The following SYNDIG1 variants were observed in gnomAD, a reference collection of about 807,000 sequenced individuals.
SYNDIG1 encodes the protein synapse differentiation-inducing gene protein 1.
In SYNDIG1, 9 loss-of-function variants were observed where a neutral mutation model predicts 19.4. The ratio of observed to expected loss-of-function variants is 0.46; its 90% CI spans 0.28 to 0.81. The LOEUF (loss-of-function observed/expected upper bound fraction) is 0.81. Ranked by LOEUF, SYNDIG1 falls within the 30% of genes least tolerant of loss-of-function variation. The pLI is 0.12. For missense variants in SYNDIG1, 311 were observed against 343.3 expected (o/e 0.91, Z 0.74); for synonymous variants, 141 against 145.9 (o/e 0.97, Z 0.24).
rs566422266 is a variant in SYNDIG1 at position 24,517,772 on chromosome 20, T to C, written c.-78-25248T>C. ...GTGTGTGTGTGTGTATATATATATA[T>C]ACATACACACATTTTTTTTGAAAAA... is the stretch of plus-strand genomic sequence containing the variant. On this transcript the variant is annotated intron_variant, in intron 1 of 3. Coordinates refer to ENST00000376862, the MANE Select transcript of SYNDIG1 (RefSeq NM_024893.3). Among the ~76,000 whole-genome samples, 165 of 145,250 alleles carry C rather than the reference T, an allele frequency of 1.1e-3. 1 individual carries two copies. Among genetic ancestry groups the C allele is most frequent in the African/African-American group, 4.0e-3 (157 of 39,110 alleles).
intron 2 of SYNDIG1, among the ~76,000 whole-genome samples, chr20:24,565,628 G>T (rs751706490): frequency 1.4e-4 from 22 of 152,172 alleles, no homozygotes; most frequent in Non-Finnish European, 2.6e-4. Context: ...GTCCATTGTT[G>T]TGTCTCTTCC....
At chr20:24,503,457 A>G (rs979013598) in intron 1 of SYNDIG1, among the ~76,000 whole-genome samples, 1 of 152,204 alleles carries the variant, frequency 6.6e-6, no homozygotes, top group African/African-American at 2.4e-5. Context: ...AATCAGCAGC[A>G]TGACTCACAG....
At chr20:24,516,212 C>A (rs1045419946) in intron 1 of SYNDIG1, among the ~76,000 whole-genome samples, 2 of 152,010 alleles carry the variant, frequency 1.3e-5, no homozygotes, top group Non-Finnish European at 2.9e-5. Context: ...AATGCTAGAC[C>A]GAAAACCATA....
At chr20:24,516,549 C>T (rs1401588214) in intron 1 of SYNDIG1, among the ~76,000 whole-genome samples, 1 of 152,172 alleles carries the variant, frequency 6.6e-6, no homozygotes, top group South Asian at 2.1e-4. Context: ...TTTATGCAGC[C>T]AACAGACACA....
chr20:24,539,167 T>C (rs772448384), intron 1 of SYNDIG1, among the ~76,000 whole-genome samples: 7 of 152,240 alleles, frequency 4.6e-5, no homozygotes, highest in Non-Finnish European at 1.0e-4. Flanking sequence ...CAAGAAATCA[T>C]TGACAAATCC....
intron 3 of SYNDIG1, among the ~76,000 whole-genome samples, chr20:24,645,550 G>A (rs1436999423): frequency 2.0e-5 from 3 of 152,210 alleles, no homozygotes; most frequent in Admixed American, 1.3e-4. Context: ...GAGTGAAAGA[G>A]GGAAGTGAGG....
At chr20:24,645,043 C>A (rs1443270751) in intron 3 of SYNDIG1, among the ~76,000 whole-genome samples, 1 of 152,168 alleles carries the variant, frequency 6.6e-6, no homozygotes, top group Non-Finnish European at 1.5e-5. Context: ...CAGTCTGACC[C>A]TGGAAAAATG....
intron 1 of SYNDIG1, among the ~76,000 whole-genome samples, chr20:24,487,841 C>T (rs533293848): frequency 3.4e-4 from 52 of 152,216 alleles, no homozygotes; most frequent in African/African-American, 1.2e-3. Context: ...GGACTGACCC[C>T]ATAACTGGCT....
Position 24,502,629 on chromosome 20 carries a change from C to G in SYNDIG1, c.-79+32876C>G, listed in dbSNP as rs11906877. On this transcript the variant is annotated intron_variant, in intron 1 of 3. Transcript: ENST00000376862. The stretch of plus-strand genomic sequence containing the variant: ...GCTATTTCAGTGACTTTTAAGCAAG[C>G]TATTTTAGTGATTTTTAAGAGTTAG... Among the ~76,000 whole-genome samples the G allele has an allele frequency of 3.9e-3, 598 of 152,300 alleles. 3 individuals are homozygous for G. Among genetic ancestry groups the G allele is most frequent in the African/African-American group, 0.014 (572 of 41,572 alleles).
chr20:24,584,584 G>A (rs2058382799), intron 2 of SYNDIG1, among the ~76,000 whole-genome samples: 1 of 152,192 alleles, frequency 6.6e-6, no homozygotes, highest in South Asian at 2.1e-4. Flanking sequence ...ACTGCTTTCT[G>A]TAGGATTTCT....
At chr20:24,647,696 T>C (rs948362161) in intron 3 of SYNDIG1, among the ~76,000 whole-genome samples, 24 of 151,800 alleles carry the variant, frequency 1.6e-4, no homozygotes, top group Non-Finnish European at 3.4e-4. Flanking sequence ...GGAACCTGTT[T>C]TCCAAAGGAA....
intron 2 of SYNDIG1, among the ~76,000 whole-genome samples, chr20:24,547,236 A>G (rs781630206): frequency 6.6e-5 from 10 of 152,148 alleles, no homozygotes; most frequent in Non-Finnish European, 8.8e-5. Flanking sequence ...TGTTTTCCCC[A>G]ATCACTTTCC....
At chr20:24,575,143 C>CCT (rs1206915768) in intron 2 of SYNDIG1, among the ~76,000 whole-genome samples, 4 of 152,310 alleles carry the variant, frequency 2.6e-5, no homozygotes, top group Middle Eastern at 3.4e-3. Context: ...AGTTTGCCTT[C>CCT]CAGGACCCCA....
intron 3 of SYNDIG1, among the ~76,000 whole-genome samples, chr20:24,626,135 A>G (rs1568696065): frequency 2.4e-5 from 2 of 82,400 alleles, no homozygotes; most frequent in Non-Finnish European, 5.2e-5. Context: ...GGTGCCCCTC[A>G]CCTCCCGGAC....
intron 3 of SYNDIG1, among the ~76,000 whole-genome samples, chr20:24,627,828 C>G (rs888040240): frequency 1.3e-5 from 2 of 152,268 alleles, no homozygotes; most frequent in Non-Finnish European, 2.9e-5. Flanking sequence ...TTCAGCACTT[C>G]TTAATGCTGC....
intron 3 of SYNDIG1, among the ~76,000 whole-genome samples, chr20:24,653,815 C>T (rs527263614): frequency 1.2e-3 from 188 of 152,306 alleles, no homozygotes; most frequent in Non-Finnish European, 2.3e-3. Flanking sequence ...TTCATGTGGC[C>T]GCCTTCTTGC....
chr20:24,566,217 G>T (rs1359853080), intron 2 of SYNDIG1, among the ~76,000 whole-genome samples: 2 of 152,144 alleles, frequency 1.3e-5, no homozygotes, highest in Non-Finnish European at 2.9e-5. Context: ...AGGGAGCTGT[G>T]CAGGGAGCAG....
intron 2 of SYNDIG1, among the ~76,000 whole-genome samples, chr20:24,568,570 C>T (rs569866267): frequency 6.6e-6 from 1 of 152,272 alleles, no homozygotes; most frequent in South Asian, 2.1e-4. Context: ...TGATACTAAC[C>T]TTGAGGAGAG....
chr20:24,489,424 GAC>G (rs1326026366), intron 1 of SYNDIG1, among the ~76,000 whole-genome samples: 1 of 150,334 alleles, frequency 6.7e-6, no homozygotes, highest in Non-Finnish European at 1.5e-5. Context: ...CATGGACACA[GAC>G]ACATAGATAC....
Sources: allele counts gnomAD v4.1 joint callset (sites outside exome capture counted in the v4.1 genomes callset), GRCh38; gene constraint gnomAD v4.1.1; transcripts MANE v1.5; gene names NCBI Gene and HGNC (gene_info 2026-07-23, HGNC 2026-07-21).